RBFOX3: variants seen among roughly 807,000 people sequenced by gnomAD.
RBFOX3 encodes the protein RNA binding fox-1 homolog 3.
In RBFOX3, 17 loss-of-function variants were observed where a neutral mutation model predicts 48.7. The ratio of observed to expected loss-of-function variants is 0.35; its 90% CI spans 0.24 to 0.52. The LOEUF is 0.52. Ranked by LOEUF, RBFOX3 falls within the 20% of genes least tolerant of loss-of-function variation. The probability of loss-of-function intolerance (pLI) is 0.94; values close to 1 mark genes in which losing one functional copy is unlikely to be tolerated. For missense variants in RBFOX3, 382 were observed against 497.5 expected, an observed-to-expected ratio of 0.77 and a Z score of 2.21; for synonymous variants, 212 against 209.5, an observed-to-expected ratio of 1.01 and a Z score of -0.10.
At chr17:79,106,529 T>C in intron 6 of RBFOX3, 122 bp downstream of exon 6, 2 of 1,269,518 alleles carry the variant, frequency 1.6e-6, no homozygotes, top group African/African-American at 3.2e-5. Flanking sequence ...GGAGGCTCCC[T>C]GCGCAGTGGG....
rs1407705690 is a variant in RBFOX3, at chr17:79,214,475, G to T, written c.-34+21291C>A. The stretch of plus-strand genomic sequence containing the variant: ...TTTGGATCAGTGTGACTGGGAGGAC[G>T]CTGCTGCCCACCCTGGCACCCAGGG... On this transcript the variant is annotated intron_variant, in intron 4 of 14. Coordinates refer to ENST00000693108, the MANE Select transcript of RBFOX3 (RefSeq NM_001350451.2). The surrounding 1 kb of genome is among the most constrained non-coding windows in gnomAD (Gnocchi z 4.7). 6.6e-6 allele frequency among the ~76,000 whole-genome samples: 1 copy of T among 152,032 alleles called. No homozygotes were observed. Among genetic ancestry groups the T allele is most frequent in the South Asian group, 2.1e-4 (1 of 4,822 alleles).
At chr17:79,353,771 G>C (rs1267609787) in intron 2 of RBFOX3, among the ~76,000 whole-genome samples, 1 of 152,080 alleles carries the variant, frequency 6.6e-6, no homozygotes, top group African/African-American at 2.4e-5. Context: ...GCTGAAGGTG[G>C]AGATCAAGCA....
At chr17:79,164,851 A>G (rs2145475717) in intron 4 of RBFOX3, among the ~76,000 whole-genome samples, 1 of 152,336 alleles carries the variant, frequency 6.6e-6, no homozygotes, top group Admixed American at 6.5e-5. Flanking sequence ...TGGCCCTAGC[A>G]GGCAGAACTC....
intron 1 of RBFOX3, among the ~76,000 whole-genome samples, chr17:79,503,402 A>T (rs1217799755): frequency 1.3e-5 from 2 of 152,236 alleles, no homozygotes; most frequent in African/African-American, 2.4e-5. Context: ...GCCATATTTT[A>T]AAAAATTGAA....
At chr17:79,425,122 G>C (rs1301166978) in intron 2 of RBFOX3, among the ~76,000 whole-genome samples, 2 of 151,960 alleles carry the variant, frequency 1.3e-5, no homozygotes, top group Non-Finnish European at 2.9e-5. Context: ...ACCTCCTCTT[G>C]CTACACTAAA....
rs887933859 is a variant in RBFOX3 at position 79,390,095 on chromosome 17, G to A, written c.-174-82271C>T. ...CAGCCTCCGGGTCTCCGCAGCCTCC[G>A]GGTCTCCGTAGCCAGCCACCCGGCC... On this transcript the variant is annotated intron_variant, in intron 2 of 14. Transcript: ENST00000693108. This position sits in a 1 kb window ranked among gnomAD's most constrained non-coding sequence, Gnocchi z 4.2. Among the ~76,000 whole-genome samples, 6 of 151,692 alleles carry A rather than the reference G, an allele frequency of 4.0e-5. No homozygotes were observed. The highest frequency in any genetic ancestry group is 3.9e-4 in the East Asian group (2 of 5,156).
At chr17:79,282,466 C>T (rs921878) in intron 3 of RBFOX3, among the ~76,000 whole-genome samples, 149,967 of 152,294 alleles carry the variant, frequency 0.98, 73,888 homozygotes, top group Middle Eastern at 1. Context: ...GGACCAGCAG[C>T]TTGTACCCAG....
the RBFOX3 span, among the ~76,000 whole-genome samples, chr17:79,624,485 G>A: frequency 6.6e-6 from 1 of 152,196 alleles, no homozygotes; most frequent in Non-Finnish European, 1.5e-5. Context: ...AGGAGCTCCA[G>A]GGCAGGGGGT....
chr17:79,156,708 A>G (rs1476190570), intron 4 of RBFOX3, among the ~76,000 whole-genome samples: 1 of 152,212 alleles, frequency 6.6e-6, no homozygotes, highest in South Asian at 2.1e-4. Context: ...GAGTTGCAGC[A>G]GAGGCTGTGT....
intron 1 of RBFOX3, among the ~76,000 whole-genome samples, chr17:79,506,741 G>A (rs1264140083): frequency 6.6e-6 from 1 of 152,186 alleles, no homozygotes; most frequent in Non-Finnish European, 1.5e-5. Flanking sequence ...AGTCTGGATG[G>A]GAGACAGGAC....
intron 4 of RBFOX3, among the ~76,000 whole-genome samples, chr17:79,228,208 T>TCC (rs2060554158): frequency 6.6e-6 from 1 of 152,170 alleles, no homozygotes; most frequent in Non-Finnish European, 1.5e-5. Context: ...CCTGGCGCTA[T>TCC]CCGTGGGCTC....
chr17:79,446,181 C>G (rs1051176933), intron 2 of RBFOX3, among the ~76,000 whole-genome samples: 11 of 152,200 alleles, frequency 7.2e-5, no homozygotes, highest in Non-Finnish European at 1.3e-4. Flanking sequence ...TGAGAGCACG[C>G]TGGCCCTAGA....
At chr17:79,303,851 C>CTGTGTGTGTGTGTGTGTG (rs34981785) in intron 3 of RBFOX3, among the ~76,000 whole-genome samples, 2 of 147,780 alleles carry the variant, frequency 1.4e-5, no homozygotes, top group African/African-American at 5.0e-5. Context: ...GCATGTCTGC[C>CTGTGTGTGTGTGTGTGTG]TGTGTGTGTG....
rs1236789066 is a variant in RBFOX3, at chr17:79,092,481, G to A, written c.1078-1596C>T. On this transcript the variant is annotated intron_variant, in intron 14 of 14. Coordinates refer to ENST00000693108, the MANE Select transcript of RBFOX3 (RefSeq NM_001350451.2). ...TAGAGTTGCAGGGGGCCAGCCGTGCGTGTCGCTGACCGGGAGGGGTGCACT... is the reference window on the plus strand; with the variant it reads ...TAGAGTTGCAGGGGGCCAGCCGTGCATGTCGCTGACCGGGAGGGGTGCACT... The A allele has an allele frequency of 9.1e-6, 9 of 985,906 alleles. No homozygotes were observed. The African/African-American group carries it at 1.0e-4, about 11-fold the overall frequency. 61.1% of individuals were successfully genotyped at this position (985,906 alleles called of 1,614,324 possible).
chr17:79,446,113 T>A (rs2072238635), intron 2 of RBFOX3, among the ~76,000 whole-genome samples: 1 of 152,140 alleles, frequency 6.6e-6, no homozygotes, highest in Admixed American at 6.5e-5. Flanking sequence ...GTAGGGGACC[T>A]GGGAGGTGAC....
Position 79,120,284 on chromosome 17 carries a change from G to A in RBFOX3, c.-33-4536C>T, listed in dbSNP as rs186984204. Among the ~76,000 whole-genome samples, 11 of 152,254 alleles carry A rather than the reference G, an allele frequency of 7.2e-5. No individual in the cohort carries two copies. The East Asian group carries it at 1.7e-3, about 24-fold the overall frequency. On this transcript the variant is annotated intron_variant, in intron 4 of 14. Transcript: ENST00000693108. ...CAGAAGAGTCTCAGCGTACAAGAAC[G>A]GGTGGATGTACGTACGTATGTACGT... is the stretch of plus-strand genomic sequence containing the variant.
chr17:79,097,169 A>ATCC, intron 11 of RBFOX3, 123 bp downstream of exon 11: 2 of 841,430 alleles, frequency 2.4e-6, no homozygotes, highest in Non-Finnish European at 3.6e-6. Context: ...GGCTCCCACG[A>ATCC]TCCTCCCCCC....
At chr17:79,383,161 G>T (rs942861846) in intron 2 of RBFOX3, among the ~76,000 whole-genome samples, 31 of 152,120 alleles carry the variant, frequency 2.0e-4, no homozygotes, top group Admixed American at 2.0e-3. Context: ...GCACAGAAGA[G>T]GATGGGAAAA....
chr17:79,262,294 G>C (rs2148485940), intron 3 of RBFOX3, among the ~76,000 whole-genome samples: 1 of 152,338 alleles, frequency 6.6e-6, no homozygotes, highest in Non-Finnish European at 1.5e-5. Flanking sequence ...CGCAGCCATG[G>C]GGGGCCCCGG....
Sources: gnomAD v4.1 joint callset for allele counts (sites outside exome capture counted in the v4.1 genomes callset) on GRCh38, gnomAD v4.1.1 for gene constraint, Gnocchi (gnomAD v3.1) non-coding constraint, MANE v1.5 for transcripts, NCBI Gene and HGNC (gene_info 2026-07-23, HGNC 2026-07-21) for gene names.